Variants in SLC13A3 observed in about 807,000 individuals in gnomAD.
SLC13A3 encodes solute carrier family 13 member 3, also known as Na(+)/dicarboxylate cotransporter 3.
Under a neutral mutation model 59.0 loss-of-function variants are expected in SLC13A3, and 40 were observed. The ratio of observed to expected loss-of-function variants is 0.68; its 90% confidence interval spans 0.53 to 0.88. SLC13A3 has a LOEUF of 0.88. Ranked by LOEUF, SLC13A3 falls within the 40% of genes least tolerant of loss-of-function variation. The pLI is 0.00. For missense variants in SLC13A3, 699 were observed against 783.2 expected (o/e 0.89, Z 1.28); for synonymous variants, 317 against 330.3 (o/e 0.96, Z 0.44).
At chr20:46,563,319 G>A (rs1247839315) in intron 12 of SLC13A3, 95 bp downstream of exon 12, 3 of 1,396,434 alleles carry the variant, frequency 2.1e-6, no homozygotes, top group Non-Finnish European at 2.9e-6. Flanking sequence ...CTGGGGAGTG[G>A]GGTCAGCGTG....
intron 3 of SLC13A3, among the ~76,000 whole-genome samples, chr20:46,603,189 A>G (rs546352158): frequency 6.6e-6 from 1 of 152,242 alleles, no homozygotes; most frequent in South Asian, 2.1e-4. Context: ...GTCTCAAAAA[A>G]AAAAAAGAGT....
chr20:46,644,983 G>C (rs2062880428), intron 1 of SLC13A3, among the ~76,000 whole-genome samples: 1 of 152,206 alleles, frequency 6.6e-6, no homozygotes, highest in South Asian at 2.1e-4. Flanking sequence ...TATTCTTTTA[G>C]AGTTTTGGAG....
At chr20:46,576,618 G>A (rs6017927) in intron 9 of SLC13A3, among the ~76,000 whole-genome samples, 4,334 of 152,202 alleles carry the variant, frequency 0.028, 162 homozygotes, top group African/African-American at 0.077. Flanking sequence ...TGGTAACTCC[G>A]TAAATATTTG....
At chr20:46,676,246 G>C (rs1340291838) in intron 1 of SLC13A3, among the ~76,000 whole-genome samples, 1 of 151,834 alleles carries the variant, frequency 6.6e-6, no homozygotes, top group African/African-American at 2.4e-5. Flanking sequence ...ATACTGAAAA[G>C]TACCCATATA....
intron 3 of SLC13A3, among the ~76,000 whole-genome samples, chr20:46,609,946 C>T (rs1266877045): frequency 2.0e-5 from 3 of 152,212 alleles, no homozygotes; most frequent in Non-Finnish European, 4.4e-5. Context: ...AATCCTTGCA[C>T]AAGATCCTTA....
At chr20:46,674,828 G>C (rs555466516), upstream of SLC13A3, among the ~76,000 whole-genome samples, 3 of 152,120 alleles carry the variant, frequency 2.0e-5, no homozygotes, top group Non-Finnish European at 4.4e-5. Flanking sequence ...CCTGCCCAGA[G>C]CCCCAATTCT....
rs147641404 is a variant in SLC13A3 at position 46,566,298 on chromosome 20, G to T, written c.1425C>A (p.Ile475=). ...TGCTGGCAAACTCAGTGAAGAAGGC[G>T]ATGACCACAGTGATGAGCAGCACAG... ...ALAVLLITVV[I]AFFTEFASNT... is the part of the protein sequence containing the mutation. The change falls in exon 11 of 13, where the codon ATC becomes ATA. Residue 475 remains isoleucine, a synonymous_variant. Transcript: ENST00000279027. 293 of 1,613,616 alleles carry T rather than the reference G, an allele frequency of 1.8e-4. 2 individuals are homozygous for T. The highest frequency in any genetic ancestry group is 2.4e-4 in the Non-Finnish European group (282 of 1,179,786).
chr20:46,584,531 A>G, intron 8 of SLC13A3: 1 of 979,464 alleles, frequency 1.0e-6, no homozygotes, highest in Non-Finnish European at 1.2e-6. Context: ...GAGAGTATTC[A>G]AACAGACAAG....
chr20:46,666,033 T>C (rs2063061008), intron 1 of SLC13A3, among the ~76,000 whole-genome samples: 1 of 152,232 alleles, frequency 6.6e-6, no homozygotes, highest in African/African-American at 2.4e-5. Flanking sequence ...GATTCAATTC[T>C]GGATATACTT....
intron 1 of SLC13A3, among the ~76,000 whole-genome samples, chr20:46,681,243 C>T (rs970401123): frequency 1.3e-5 from 2 of 152,226 alleles, no homozygotes; most frequent in African/African-American, 4.8e-5. Context: ...AGGAACTAGA[C>T]ATCCTCACGT....
chr20:46,587,134 C>A (rs2122659452), intron 8 of SLC13A3, among the ~76,000 whole-genome samples: 2 of 152,288 alleles, frequency 1.3e-5, no homozygotes, highest in East Asian at 3.9e-4. Flanking sequence ...TAACTATTCT[C>A]CTCGTCTATA....
intron 1 of SLC13A3, among the ~76,000 whole-genome samples, chr20:46,647,043 G>A (rs1257201733): frequency 1.3e-5 from 2 of 152,142 alleles, no homozygotes; most frequent in African/African-American, 4.8e-5. Context: ...CCCAGAGTAA[G>A]TCTGCTGTTG....
At chr20:46,655,407 G>A (rs1003649281), upstream of SLC13A3, among the ~76,000 whole-genome samples, 1 of 149,324 alleles carries the variant, frequency 6.7e-6, no homozygotes. Context: ...TCATGGTTAT[G>A]CAGGCTTTAC....
intron 11 of SLC13A3, 79 bp downstream of exon 11, chr20:46,566,150 G>A: frequency 8.2e-7 from 1 of 1,223,836 alleles, no homozygotes; most frequent in South Asian, 1.2e-5. Flanking sequence ...GGCCCCCAGT[G>A]AAGGTCCCTT....
intron 12 of SLC13A3, among the ~76,000 whole-genome samples, chr20:46,560,773 G>A (rs922897250): frequency 6.6e-6 from 1 of 152,144 alleles, no homozygotes; most frequent in Non-Finnish European, 1.5e-5. Context: ...TTCTGTCGGT[G>A]GAGAATGTGC....
At chr20:46,647,019 C>A (rs2694875) in intron 1 of SLC13A3, among the ~76,000 whole-genome samples, 3 of 152,180 alleles carry the variant, frequency 2.0e-5, no homozygotes, top group Non-Finnish European at 4.4e-5. Flanking sequence ...ACCATCCCCC[C>A]CAAATATCTC....
Position 46,581,833 on chromosome 20 carries a change from G to A in SLC13A3, c.1219+1739C>T, listed in dbSNP as rs569103777. ...GAAACCAGGAAAAGGTTAAGAAATT[G>A]TATACAGAGGGAATGATGAGAACAG... On this transcript the variant is annotated intron_variant, in intron 9 of 12. Transcript: ENST00000279027. Among the ~76,000 whole-genome samples the A allele has an allele frequency of 7.2e-5, 11 of 152,298 alleles. No homozygotes were observed. In the East Asian group the frequency reaches 9.6e-4, roughly 13 times the overall value.
chr20:46,605,751 G>A (rs541163909), intron 3 of SLC13A3, among the ~76,000 whole-genome samples: 2 of 152,210 alleles, frequency 1.3e-5, no homozygotes, highest in Non-Finnish European at 2.9e-5. Context: ...CACTTTAGCA[G>A]GTCTGACGTG....
At chr20:46,624,373 G>T (rs890246530) in intron 1 of SLC13A3, among the ~76,000 whole-genome samples, 1 of 152,220 alleles carries the variant, frequency 6.6e-6, no homozygotes, top group African/African-American at 2.4e-5. Flanking sequence ...CAGTTTAATT[G>T]TGATTGTCAC....
Sources: gnomAD v4.1 joint callset for allele counts (sites outside exome capture counted in the v4.1 genomes callset) on GRCh38, gnomAD v4.1.1 for gene constraint, MANE v1.5 for transcripts, NCBI Gene and HGNC (gene_info 2026-07-23, HGNC 2026-07-21) for gene names.